LINGO2: variants seen among roughly 807,000 people sequenced by gnomAD.
LINGO2 encodes leucine rich repeat and Ig domain containing 2, also known as leucine-rich repeat and immunoglobulin-like domain-containing nogo receptor-interacting protein 2.
In LINGO2, 14 loss-of-function variants were observed where a neutral mutation model predicts 30.6. That is an observed-to-expected ratio of 0.46 (90% confidence interval 0.30 to 0.72). LINGO2 has a LOEUF of 0.72. Ranked by LOEUF, LINGO2 falls within the 30% of genes least tolerant of loss-of-function variation. LINGO2 has a pLI of 0.07. For synonymous variants in LINGO2, 317 were observed against 288.5 expected, an observed-to-expected ratio of 1.10 and a Z score of -1.00; for missense variants, 729 against 751.7, an observed-to-expected ratio of 0.97 and a Z score of 0.35.
chr9:28,340,469 G>C (rs1308160252), intron 3 of LINGO2, among the ~76,000 whole-genome samples: 1 of 152,026 alleles, frequency 6.6e-6, no homozygotes, highest in Admixed American at 6.6e-5. Context: ...TTGATTTGAA[G>C]ACAGAATAGT....
chr9:28,445,488 A>G (rs1027520115), intron 2 of LINGO2, among the ~76,000 whole-genome samples: 6 of 152,222 alleles, frequency 3.9e-5, no homozygotes, highest in South Asian at 2.1e-4. Context: ...AGAAATAGCT[A>G]TGTACACAGT....
intron 4 of LINGO2, among the ~76,000 whole-genome samples, chr9:28,154,092 T>C (rs552413959): frequency 6.6e-6 from 1 of 152,196 alleles, no homozygotes; most frequent in East Asian, 1.9e-4. Flanking sequence ...GCTATAGCTC[T>C]GACAACCATC....
chr9:29,209,927 C>T, the LINGO2 span, among the ~76,000 whole-genome samples: 4 of 152,068 alleles, frequency 2.6e-5, no homozygotes, highest in African/African-American at 9.7e-5. Flanking sequence ...TGACAAACCT[C>T]TTTGCATATA....
the LINGO2 span, among the ~76,000 whole-genome samples, chr9:28,764,132 TA>T: frequency 2.2e-4 from 32 of 146,726 alleles, no homozygotes; most frequent in East Asian, 4.0e-4. Context: ...GAACTCTTTT[TA>T]AAAAAAAAAA....
intron 4 of LINGO2, among the ~76,000 whole-genome samples, chr9:28,050,076 G>C (rs896467043): frequency 6.6e-6 from 1 of 150,628 alleles, no homozygotes; most frequent in Non-Finnish European, 1.5e-5. Flanking sequence ...AAAAAGGTAG[G>C]GCTTTGTGAT....
At chr9:29,052,464 T>C in the LINGO2 span, among the ~76,000 whole-genome samples, 1 of 152,210 alleles carries the variant, frequency 6.6e-6, no homozygotes, top group Non-Finnish European at 1.5e-5. Context: ...GATTATTTAT[T>C]GGCAAAATTC....
chr9:28,726,040 T>G, the LINGO2 span, among the ~76,000 whole-genome samples: 9 of 152,160 alleles, frequency 5.9e-5, no homozygotes, highest in Admixed American at 1.3e-4. Flanking sequence ...CATTCTAGTT[T>G]CATATGTTAC....
chr9:28,238,181 G>A (rs1821648960), intron 4 of LINGO2, among the ~76,000 whole-genome samples: 1 of 151,364 alleles, frequency 6.6e-6, no homozygotes, highest in Non-Finnish European at 1.5e-5. Flanking sequence ...TCCCAATAGG[G>A]AATAGATGGA....
chr9:29,162,761 A>C, the LINGO2 span, among the ~76,000 whole-genome samples: 1 of 152,200 alleles, frequency 6.6e-6, no homozygotes, highest in Admixed American at 6.5e-5. Context: ...GTTCAATTTT[A>C]ATATCAAATC....
chr9:28,823,713 T>G, the LINGO2 span, among the ~76,000 whole-genome samples: 2 of 152,200 alleles, frequency 1.3e-5, no homozygotes, highest in South Asian at 4.1e-4. Flanking sequence ...GGCACTGAAC[T>G]GTCAACCACC....
chr9:29,039,924 G>A, the LINGO2 span, among the ~76,000 whole-genome samples: 1 of 152,204 alleles, frequency 6.6e-6, no homozygotes, highest in African/African-American at 2.4e-5. Context: ...CTGATATCTA[G>A]GCTGCTTTTG....
the LINGO2 span, among the ~76,000 whole-genome samples, chr9:29,086,233 TG>T: frequency 6.6e-6 from 1 of 152,200 alleles, no homozygotes; most frequent in East Asian, 1.9e-4. Context: ...TTGTGAGGGA[TG>T]TAAGAGTTAA....
At chr9:28,068,109 A>C (rs1214826379) in intron 4 of LINGO2, among the ~76,000 whole-genome samples, 1 of 152,142 alleles carries the variant, frequency 6.6e-6, no homozygotes, top group Non-Finnish European at 1.5e-5. Flanking sequence ...TGGATCCCCA[A>C]ATTGCTTAGA....
the LINGO2 span, among the ~76,000 whole-genome samples, chr9:29,189,721 G>C: frequency 5.9e-5 from 9 of 152,252 alleles, no homozygotes; most frequent in Non-Finnish European, 1.3e-4. Flanking sequence ...GCCTGGGCAC[G>C]GTTGAGCACT....
chr9:28,642,233 A>C (rs571567607), intron 1 of LINGO2, among the ~76,000 whole-genome samples: 1 of 152,276 alleles, frequency 6.6e-6, no homozygotes, highest in African/African-American at 2.4e-5. Flanking sequence ...GTGAAAAAAA[A>C]AGTGTCCTTA....
chr9:28,975,956 C>T, the LINGO2 span, among the ~76,000 whole-genome samples: 1 of 152,104 alleles, frequency 6.6e-6, no homozygotes, highest in African/African-American at 2.4e-5. Flanking sequence ...TATGCAACAT[C>T]TTAGGTGATT....
chr9:28,591,618 T>C (rs1563848620), intron 1 of LINGO2, among the ~76,000 whole-genome samples: 3 of 151,940 alleles, frequency 2.0e-5, no homozygotes, highest in African/African-American at 4.8e-5. Context: ...TCAATTTAGA[T>C]GGGTATTTTG....
the LINGO2 span, among the ~76,000 whole-genome samples, chr9:28,795,666 G>C: frequency 2.7e-5 from 4 of 147,434 alleles, no homozygotes; most frequent in African/African-American, 1.1e-4. Context: ...TATAAAGACT[G>C]TGCATCCATA....
At chr9:28,311,129 C>G (rs1371697162) in intron 3 of LINGO2, among the ~76,000 whole-genome samples, 1 of 151,998 alleles carries the variant, frequency 6.6e-6, no homozygotes, top group East Asian at 1.9e-4. Context: ...CATCACATGT[C>G]AGCAGGTTCT....
Sources: gnomAD v4.1 joint callset for allele counts (sites outside exome capture counted in the v4.1 genomes callset) on GRCh38, gnomAD v4.1.1 for gene constraint, MANE v1.5 for transcripts, NCBI Gene and HGNC (gene_info 2026-07-23, HGNC 2026-07-21) for gene names.